The following PTPRJ variants were observed in gnomAD, a reference collection of about 807,000 sequenced individuals.
The protein encoded by PTPRJ is protein tyrosine phosphatase receptor type J, also known as receptor-type tyrosine-protein phosphatase eta.
In PTPRJ, 129 loss-of-function variants were observed where a neutral mutation model predicts 141.3. That is an observed-to-expected ratio of 0.91 (90% CI 0.79 to 1.06). The LOEUF is 1.06. Ranked by LOEUF, PTPRJ falls within the 50% of genes least tolerant of loss-of-function variation. The probability of loss-of-function intolerance (pLI) is 0.00; values close to 1 mark genes in which losing one functional copy is unlikely to be tolerated. For missense variants in PTPRJ, 1,601 were observed against 1,679.7 expected, an observed-to-expected ratio of 0.95 and a Z score of 0.82; for synonymous variants, 610 against 640.5, an observed-to-expected ratio of 0.95 and a Z score of 0.72.
In PTPRJ at chr11:48,144,808, A is replaced by T; in HGVS notation, c.2709A>T (p.Lys903Asn). The T allele has an allele frequency of 6.2e-7, 1 of 1,614,214 alleles. No individual in the cohort carries two copies. The highest frequency in any genetic ancestry group is 8.5e-7 in the Non-Finnish European group (1 of 1,180,030). ...CTCAGAGCTTGTCTGAAGTTTTGAA[A>T]TATGAAATTGACGTTGGGAATGAGT... ...GRSQSLSEVL[K>N]YEIDVGNEST... Residue 903 changes from lysine to asparagine, a missense_variant, in exon 13 of 25, where the codon AAA becomes AAT. By Grantham distance (94) the Lys-to-Asn change is moderately conservative (BLOSUM62 0). Transcript: ENST00000418331.
intron 1 of PTPRJ, among the ~76,000 whole-genome samples, chr11:48,052,422 G>A (rs1002175725): frequency 3.3e-5 from 5 of 152,200 alleles, no homozygotes; most frequent in Admixed American, 6.5e-5. Flanking sequence ...CCCAGGGGTG[G>A]CCTCACCCGC....
At chr11:48,123,102 G>A (rs901492714) in intron 4 of PTPRJ, among the ~76,000 whole-genome samples, 1 of 152,182 alleles carries the variant, frequency 6.6e-6, no homozygotes, top group Non-Finnish European at 1.5e-5. Context: ...GAGATGGAAC[G>A]TCTTCTGAAA....
intron 1 of PTPRJ, among the ~76,000 whole-genome samples, chr11:48,092,348 C>T (rs1421232626): frequency 1.4e-5 from 2 of 148,000 alleles, no homozygotes; most frequent in African/African-American, 5.0e-5. Context: ...CAGGTAGGTG[C>T]TTCTAGCTAC....
intron 1 of PTPRJ, among the ~76,000 whole-genome samples, chr11:48,087,280 T>C (rs1855741907): frequency 1.3e-5 from 2 of 152,202 alleles, no homozygotes; most frequent in Admixed American, 6.5e-5. Context: ...AGGAAAGAGA[T>C]AAAGGATAAA....
chr11:48,072,071 A>AATTTTTGT (rs1855275111), intron 1 of PTPRJ, among the ~76,000 whole-genome samples: 1 of 151,416 alleles, frequency 6.6e-6, no homozygotes, highest in Admixed American at 6.6e-5. Flanking sequence ...ATGCCTGGCT[A>AATTTTTGT]ATTTTTGTAT....
At chr11:48,022,468 A>G (rs78385707) in intron 1 of PTPRJ, among the ~76,000 whole-genome samples, 2 of 140,738 alleles carry the variant, frequency 1.4e-5, no homozygotes, top group African/African-American at 5.4e-5. Context: ...CCATCTCAAG[A>G]AAAAAAAAAA....
chr11:47,996,911 G>A (rs1489967412), intron 1 of PTPRJ, among the ~76,000 whole-genome samples: 1 of 152,180 alleles, frequency 6.6e-6, no homozygotes, highest in African/African-American at 2.4e-5. Context: ...GCTTCTATCC[G>A]GCCACAGAGT....
chr11:48,125,440 C>T (rs1856810003), intron 6 of PTPRJ, among the ~76,000 whole-genome samples: 1 of 152,198 alleles, frequency 6.6e-6, no homozygotes, highest in African/African-American at 2.4e-5. Context: ...CTGCCTCACG[C>T]CATCTTTCAC....
intron 1 of PTPRJ, among the ~76,000 whole-genome samples, chr11:48,012,783 A>G (rs2134203375): frequency 6.6e-6 from 1 of 152,274 alleles, no homozygotes; most frequent in South Asian, 2.1e-4. Context: ...TATAATTCAC[A>G]TACAGTAAAA....
chr11:48,033,478 G>C (rs932747429), intron 1 of PTPRJ, among the ~76,000 whole-genome samples: 1 of 152,148 alleles, frequency 6.6e-6, no homozygotes, highest in Non-Finnish European at 1.5e-5. Context: ...CTGGCCAGGT[G>C]GTGCATGTGT....
intron 1 of PTPRJ, among the ~76,000 whole-genome samples, chr11:48,036,651 G>T (rs943390345): frequency 2.0e-5 from 3 of 152,060 alleles, no homozygotes; most frequent in Non-Finnish European, 4.4e-5. Context: ...CATGTATATT[G>T]GCAATTAGCC....
chr11:48,056,363 G>A (rs908595624), intron 1 of PTPRJ, among the ~76,000 whole-genome samples: 3 of 152,200 alleles, frequency 2.0e-5, no homozygotes, highest in Non-Finnish European at 2.9e-5. Flanking sequence ...CTCTCTGAGC[G>A]TCAGATTCCT....
intron 1 of PTPRJ, among the ~76,000 whole-genome samples, chr11:48,054,661 G>A (rs942619082): frequency 1.3e-5 from 2 of 152,060 alleles, no homozygotes; most frequent in African/African-American, 4.8e-5. Flanking sequence ...GCCTCTCACA[G>A]TGTGGCCCCC....
intron 1 of PTPRJ, among the ~76,000 whole-genome samples, chr11:48,081,138 A>G (rs1855547707): frequency 6.6e-6 from 1 of 152,226 alleles, no homozygotes; most frequent in Admixed American, 6.5e-5. Context: ...TGCAAACCAC[A>G]CTTGCAGCAA....
chr11:48,046,730 C>G (rs891651500), intron 1 of PTPRJ, among the ~76,000 whole-genome samples: 4 of 151,792 alleles, frequency 2.6e-5, no homozygotes, highest in Admixed American at 2.6e-4. Context: ...GTGCTTCCCC[C>G]CTACCCTATG....
intron 22 of PTPRJ, among the ~76,000 whole-genome samples, chr11:48,162,465 A>C (rs1352701329): frequency 6.7e-6 from 1 of 149,092 alleles, no homozygotes; most frequent in African/African-American, 2.5e-5. Context: ...CTGTCTTTGG[A>C]TCAGTACTTC....
chr11:48,040,439 A>G (rs1854245203), intron 1 of PTPRJ, among the ~76,000 whole-genome samples: 1 of 152,086 alleles, frequency 6.6e-6, no homozygotes, highest in Non-Finnish European at 1.5e-5. Context: ...AGCCTCCACA[A>G]ATTTATTTTC....
At chr11:48,149,883 A>G (rs969004687) in intron 16 of PTPRJ, 107 bp from the exon 17 acceptor site, 1 of 872,182 alleles carries the variant, frequency 1.1e-6, no homozygotes, top group African/African-American at 1.7e-5. Context: ...CTCTTGCCAA[A>G]TTATACCCTG....
chr11:48,169,947 G>A lies in PTPRJ; in HGVS notation c.*2585G>A, dbSNP rs2134395273. On this transcript the variant is annotated 3_prime_UTR_variant, in exon 25 of 25. Transcript: ENST00000418331. Reference sequence around the variant, plus strand: ...GCTGGGGACAGGGCCAGTGGGGGTGGTAAGGGTATTTATAGCACAGTGCTT... The same window carrying A: ...GCTGGGGACAGGGCCAGTGGGGGTGATAAGGGTATTTATAGCACAGTGCTT... The A allele has an allele frequency of 6.6e-6, 1 of 152,286 alleles. No homozygotes were observed. Among genetic ancestry groups the A allele is most frequent in the African/African-American group, 2.4e-5 (1 of 41,516 alleles). 9.4% of individuals were successfully genotyped at this position (152,286 alleles called of 1,614,324 possible). A position where few individuals can be genotyped will look rare whatever the true frequency, so the allele number is the denominator to read the frequency against.
Sources: gnomAD v4.1 joint callset for allele counts (sites outside exome capture counted in the v4.1 genomes callset) on GRCh38, gnomAD v4.1.1 for gene constraint, MANE v1.5 for transcripts, NCBI Gene and HGNC (gene_info 2026-07-23, HGNC 2026-07-21) for gene names.